Variants in KCTD1 observed in about 807,000 individuals in gnomAD.
KCTD1 encodes the protein BTB/POZ domain-containing protein KCTD1.
Under a neutral mutation model 66.0 loss-of-function variants are expected in KCTD1, and 24 were observed. The ratio of observed to expected loss-of-function variants is 0.36; its 90% CI spans 0.26 to 0.51. The LOEUF (loss-of-function observed/expected upper bound fraction) is 0.51. Among genes scored for constraint, KCTD1 ranks in the 20% least tolerant of loss-of-function variants. The pLI is 0.95. For synonymous variants in KCTD1, 511 were observed against 517.2 expected (o/e 0.99, Z 0.16); for missense variants, 943 against 1,205.2 (o/e 0.78, Z 3.22).
chr18:26,630,808 C>T (rs548596287), upstream of KCTD1, among the ~76,000 whole-genome samples: 10 of 152,296 alleles, frequency 6.6e-5, no homozygotes, highest in East Asian at 7.7e-4. Flanking sequence ...AAGTGACAGA[C>T]GAACTATGAT....
At chr18:26,632,848 A>G (rs1987649954), upstream of KCTD1, among the ~76,000 whole-genome samples, 1 of 152,170 alleles carries the variant, frequency 6.6e-6, no homozygotes, top group African/African-American at 2.4e-5. Flanking sequence ...GGATATGAAA[A>G]TGGAATATGG....
chr18:26,598,769 C>T (rs781722127), intron 1 of KCTD1, among the ~76,000 whole-genome samples: 12 of 152,164 alleles, frequency 7.9e-5, no homozygotes, highest in East Asian at 1.9e-4. Flanking sequence ...TCTTTTTATG[C>T]GCTTATTGGC....
At chr18:26,559,286 C>T (rs1042366358) in intron 1 of KCTD1, among the ~76,000 whole-genome samples, 6 of 152,166 alleles carry the variant, frequency 3.9e-5, no homozygotes, top group Non-Finnish European at 8.8e-5. Flanking sequence ...AGGATAAATG[C>T]TTGAGGGGAT....
chr18:26,528,599 A>G (rs1010789244), intron 1 of KCTD1, among the ~76,000 whole-genome samples: 3 of 152,170 alleles, frequency 2.0e-5, no homozygotes, highest in Non-Finnish European at 4.4e-5. Flanking sequence ...GTCAAACTGG[A>G]GCCATGTTTC....
At chr18:26,642,727 C>T (rs745425134), upstream of KCTD1, among the ~76,000 whole-genome samples, 1 of 152,208 alleles carries the variant, frequency 6.6e-6, no homozygotes. Flanking sequence ...TGAAAGACTG[C>T]AGAGGTTGCG....
At position 26,476,466 on chromosome 18, in the gene KCTD1, A is replaced by T. The variant is rs746351280; in HGVS notation, c.2133+49T>A. 4 of 1,544,946 alleles carry T rather than the reference A, an allele frequency of 2.6e-6. No homozygotes were observed. Among genetic ancestry groups the T allele is most frequent in the Middle Eastern group, 2.1e-4 (1 of 4,696 alleles). ...CTAGAAATATTTTTTTGGAGCACAT[A>T]AAAAAATCACATATTTATGCTATTG... On this transcript the variant is annotated intron_variant, in intron 3 of 4. Coordinates refer to ENST00000580059, the MANE Select transcript of KCTD1 (RefSeq NM_001142730.3). The surrounding 1 kb of genome is among the most constrained non-coding windows in gnomAD (Gnocchi z 4.9).
At chr18:26,490,941 T>C (rs372403458) in intron 2 of KCTD1, among the ~76,000 whole-genome samples, 1 of 152,174 alleles carries the variant, frequency 6.6e-6, no homozygotes, top group African/African-American at 2.4e-5. Flanking sequence ...TTAGTAGAGA[T>C]GGAGTTTCAC....
At chr18:26,561,288 T>C (rs368061883) in intron 1 of KCTD1, among the ~76,000 whole-genome samples, 8 of 152,206 alleles carry the variant, frequency 5.3e-5, no homozygotes, top group Non-Finnish European at 1.2e-4. Flanking sequence ...GAGAGTAGCA[T>C]TGAGGAACTT....
Position 26,476,417 on chromosome 18 carries a change from T to C in KCTD1, c.2133+98A>G. On this transcript the variant is annotated intron_variant, in intron 3 of 4. Coordinates refer to ENST00000580059, the MANE Select transcript of KCTD1 (RefSeq NM_001142730.3). The surrounding 1 kb of genome is among the most constrained non-coding windows in gnomAD (Gnocchi z 4.9). ...AAAGAGAACTCTGGCACCTTTCGAG[T>C]TGGTGTATGTTAATAATGTAGAACT... 3 of 1,129,508 alleles carry C rather than the reference T, an allele frequency of 2.7e-6. No individual in the cohort carries two copies. Among genetic ancestry groups the C allele is most frequent in the East Asian group, 2.6e-5 (1 of 38,872 alleles). 70.0% of individuals were successfully genotyped at this position (1,129,508 alleles called of 1,614,324 possible).
intron 1 of KCTD1, among the ~76,000 whole-genome samples, chr18:26,560,371 T>C (rs949283449): frequency 2.0e-5 from 3 of 152,200 alleles, no homozygotes; most frequent in Non-Finnish European, 2.9e-5. Context: ...TGTTATTAAA[T>C]TCTTTTTAAT....
chr18:26,523,743 C>G, intron 1 of KCTD1, among the ~76,000 whole-genome samples: 1 of 152,206 alleles, frequency 6.6e-6, no homozygotes, highest in East Asian at 1.9e-4. Flanking sequence ...GTTTTTGAGT[C>G]TGGAAAAATA....
upstream of KCTD1, among the ~76,000 whole-genome samples, chr18:26,643,927 A>C (rs1987884163): frequency 6.6e-6 from 1 of 151,754 alleles, no homozygotes; most frequent in Non-Finnish European, 1.5e-5. Context: ...GCACCACTGC[A>C]CTCCAGCCTG....
At chr18:26,597,930 A>C (rs1986805525) in intron 1 of KCTD1, among the ~76,000 whole-genome samples, 1 of 152,206 alleles carries the variant, frequency 6.6e-6, no homozygotes, top group South Asian at 2.1e-4. Flanking sequence ...CTGGGATTAC[A>C]GGCGTGAGCC....
intron 1 of KCTD1, among the ~76,000 whole-genome samples, chr18:26,556,630 C>T (rs1280694076): frequency 1.3e-5 from 2 of 152,224 alleles, no homozygotes; most frequent in African/African-American, 2.4e-5. Flanking sequence ...TTCTTGCTAA[C>T]GTTTAGTGAA....
chr18:26,600,363 C>T, intron 1 of KCTD1: 2 of 1,249,802 alleles, frequency 1.6e-6, no homozygotes. Flanking sequence ...ACATGGGACC[C>T]ATCTGCTCCT....
intron 1 of KCTD1, among the ~76,000 whole-genome samples, chr18:26,588,361 G>A (rs374144132): frequency 4.0e-5 from 6 of 149,778 alleles, no homozygotes; most frequent in African/African-American, 9.8e-5. Context: ...AGTGAAAACA[G>A]TTTTGACTCA....
chr18:26,570,239 G>A (rs1986076080), intron 1 of KCTD1, among the ~76,000 whole-genome samples: 2 of 147,570 alleles, frequency 1.4e-5, no homozygotes, highest in African/African-American at 2.5e-5. Context: ...CAAACCTTAA[G>A]GACAGGGGAA....
chr18:26,509,927 C>T (rs1001779898), intron 1 of KCTD1, among the ~76,000 whole-genome samples: 1 of 152,182 alleles, frequency 6.6e-6, no homozygotes, highest in Non-Finnish European at 1.5e-5. Context: ...AATCGCCCTA[C>T]CTGACAGAGG....
intron 1 of KCTD1, among the ~76,000 whole-genome samples, chr18:26,605,608 C>T (rs1012484324): frequency 6.6e-6 from 1 of 151,980 alleles, no homozygotes; most frequent in East Asian, 1.9e-4. Flanking sequence ...GGCCCTAGAC[C>T]ACTGTTATAG....
Sources: allele counts gnomAD v4.1 joint callset (sites outside exome capture counted in the v4.1 genomes callset), GRCh38; gene constraint gnomAD v4.1.1; non-coding constraint Gnocchi (gnomAD v3.1); transcripts MANE v1.5; gene names NCBI Gene and HGNC (gene_info 2026-07-23, HGNC 2026-07-21).